Variants in METTL15 observed in about 807,000 individuals in gnomAD.
METTL15 encodes the protein 12S rRNA N(4)-cytidine methyltransferase METTL15.
METTL15 carries 34 observed loss-of-function variants against 38.3 expected under a neutral mutation model. That is an observed-to-expected ratio of 0.89 (90% CI 0.68 to 1.18). The LOEUF is 1.18. Ranked by LOEUF, METTL15 falls within the 50% of genes most tolerant of loss-of-function variation. METTL15 has a pLI of 0.00. For missense variants in METTL15, 438 were observed against 498.4 expected, an observed-to-expected ratio of 0.88 and a Z score of 1.15; for synonymous variants, 162 against 170.9, an observed-to-expected ratio of 0.95 and a Z score of 0.41.
At chr11:28,391,432 A>G (rs1480510117) in intron 5 of METTL15, among the ~76,000 whole-genome samples, 1 of 152,144 alleles carries the variant, frequency 6.6e-6, no homozygotes, top group African/African-American at 2.4e-5. Flanking sequence ...GAGAGTTTTT[A>G]GCATGAAGCA....
intron 3 of METTL15, among the ~76,000 whole-genome samples, chr11:28,124,969 T>C (rs1315641316): frequency 1.3e-5 from 2 of 152,074 alleles, no homozygotes; most frequent in Non-Finnish European, 2.9e-5. Flanking sequence ...TTTTCTCCAA[T>C]TTAAAATTAC....
At chr11:28,336,800 T>C (rs978947832), downstream of METTL15, among the ~76,000 whole-genome samples, 11 of 152,226 alleles carry the variant, frequency 7.2e-5, no homozygotes, top group African/African-American at 2.7e-4. Flanking sequence ...TTCTTTTTTA[T>C]GTATTTACTA....
intron 4 of METTL15, among the ~76,000 whole-genome samples, chr11:28,232,585 A>C (rs1245874053): frequency 1.3e-5 from 2 of 151,902 alleles, no homozygotes; most frequent in African/African-American, 2.4e-5. Context: ...TTATATGAAC[A>C]CGTTTATTTA....
intron 5 of METTL15, among the ~76,000 whole-genome samples, chr11:28,403,096 T>G (rs1463336712): frequency 6.6e-6 from 1 of 152,040 alleles, no homozygotes; most frequent in African/African-American, 2.4e-5. Context: ...TACTGCAAGA[T>G]CTCTACTTTC....
intron 6 of METTL15, among the ~76,000 whole-genome samples, chr11:28,463,153 A>G (rs1218523620): frequency 6.6e-6 from 1 of 152,152 alleles, no homozygotes; most frequent in African/African-American, 2.4e-5. Flanking sequence ...TAAAATACAT[A>G]TATATCACAT....
chr11:28,134,471 G>A, intron 3 of METTL15: 1 of 398,160 alleles, frequency 2.5e-6, no homozygotes, highest in Non-Finnish European at 4.4e-6. Flanking sequence ...AACATGGGTT[G>A]GAGGTTCTCC....
intron 4 of METTL15, among the ~76,000 whole-genome samples, chr11:28,266,857 T>G (rs1855441292): frequency 6.6e-6 from 1 of 152,078 alleles, no homozygotes; most frequent in Non-Finnish European, 1.5e-5. Flanking sequence ...GTGGTAACTG[T>G]TTTACAAAGA....
chr11:28,373,520 C>T (rs558525470), intron 5 of METTL15, among the ~76,000 whole-genome samples: 8 of 152,144 alleles, frequency 5.3e-5, no homozygotes, highest in East Asian at 1.9e-4. Context: ...GATATTAGCC[C>T]GTTGTCAGAT....
At chr11:28,150,970 G>T (rs112311434) in intron 3 of METTL15, among the ~76,000 whole-genome samples, 35 of 145,276 alleles carry the variant, frequency 2.4e-4, no homozygotes, top group African/African-American at 6.9e-4. Flanking sequence ...CAGATTAAGA[G>T]GAGGAAATTC....
At position 28,140,738 on chromosome 11, in the gene METTL15, C is replaced by T. The variant is rs906960497; in HGVS notation, c.270+27134C>T. Among the ~76,000 whole-genome samples, 14 of 152,184 alleles carry T rather than the reference C, an allele frequency of 9.2e-5. 1 individual carries two copies. The highest frequency in any genetic ancestry group is 1.9e-4 in the Non-Finnish European group (13 of 68,038). On this transcript the variant is annotated intron_variant, in intron 3 of 6. Transcript: ENST00000407364. Reference sequence around the variant, plus strand: ...CTGAAAGCAGGCTGCTGGTTGCCCCCTTCACAGTTGAATACAAGGGCATTT... The same window carrying T: ...CTGAAAGCAGGCTGCTGGTTGCCCCTTTCACAGTTGAATACAAGGGCATTT...
At chr11:28,466,435 G>A (rs1433134025) in intron 6 of METTL15, among the ~76,000 whole-genome samples, 2 of 152,114 alleles carry the variant, frequency 1.3e-5, no homozygotes, top group Non-Finnish European at 2.9e-5. Flanking sequence ...GAATATTGGG[G>A]CCCAGCCCAT....
intron 3 of METTL15, among the ~76,000 whole-genome samples, chr11:28,185,855 C>G (rs1851474180): frequency 6.7e-6 from 1 of 149,472 alleles, no homozygotes; most frequent in African/African-American, 2.4e-5. Context: ...CATGGAGTTT[C>G]TGATGTATTT....
At chr11:28,515,956 C>A (rs1851716162) in intron 6 of METTL15, among the ~76,000 whole-genome samples, 1 of 152,188 alleles carries the variant, frequency 6.6e-6, no homozygotes, top group Admixed American at 6.5e-5. Flanking sequence ...TCTTGATAGA[C>A]AGCTATCTGT....
chr11:28,424,454 T>G (rs1454705309), intron 6 of METTL15: 1 of 152,160 alleles, frequency 6.6e-6, no homozygotes, highest in Non-Finnish European at 1.5e-5. Flanking sequence ...CAGATACATA[T>G]GACAAAGACA....
At chr11:28,509,405 C>T (rs945719754) in intron 6 of METTL15, among the ~76,000 whole-genome samples, 3 of 151,728 alleles carry the variant, frequency 2.0e-5, no homozygotes, top group Non-Finnish European at 4.4e-5. Flanking sequence ...GTTTTTCTAA[C>T]TTTTTCAACA....
downstream of METTL15, among the ~76,000 whole-genome samples, chr11:28,527,439 T>A: frequency 6.6e-6 from 1 of 152,210 alleles, no homozygotes; most frequent in Non-Finnish European, 1.5e-5. Context: ...ATTTATAATT[T>A]AATAAATAAA....
At chr11:28,112,890 T>A (rs989502610) in intron 2 of METTL15, among the ~76,000 whole-genome samples, 1 of 152,198 alleles carries the variant, frequency 6.6e-6, no homozygotes, top group Admixed American at 6.5e-5. Context: ...GAAGACCATC[T>A]GAATCTAAAA....
At chr11:28,359,660 T>G (rs1850119248) in intron 4 of METTL15, among the ~76,000 whole-genome samples, 1 of 152,190 alleles carries the variant, frequency 6.6e-6, no homozygotes, top group South Asian at 2.1e-4. Context: ...ATATTTGCAT[T>G]TATCTGAGGA....
intron 5 of METTL15, among the ~76,000 whole-genome samples, chr11:28,423,792 A>C (rs1449910539): frequency 1.3e-5 from 2 of 152,064 alleles, no homozygotes; most frequent in African/African-American, 4.8e-5. Context: ...CTAGTATTTG[A>C]TAGCACAACA....
Sources: gnomAD v4.1 joint callset for allele counts (sites outside exome capture counted in the v4.1 genomes callset) on GRCh38, gnomAD v4.1.1 for gene constraint, MANE v1.5 for transcripts, NCBI Gene and HGNC (gene_info 2026-07-23, HGNC 2026-07-21) for gene names.